Variants in RERE observed in about 807,000 individuals in gnomAD.
The protein encoded by RERE is arginine-glutamic acid dipeptide repeats protein.
RERE carries 40 observed loss-of-function variants against 146.1 expected under a neutral mutation model. That is an observed-to-expected ratio of 0.27 (90% CI 0.21 to 0.36). RERE has a LOEUF of 0.36. Ranked by LOEUF, RERE falls within the 10% of genes least tolerant of loss-of-function variation. The pLI, the probability that RERE is intolerant of heterozygous loss-of-function variation, is 1.00. For synonymous variants in RERE, 1,003 were observed against 866.0 expected, an observed-to-expected ratio of 1.16 and a Z score of -2.78; for missense variants, 1,933 against 2,138.7, an observed-to-expected ratio of 0.90 and a Z score of 1.90.
intron 1 of RERE, among the ~76,000 whole-genome samples, chr1:8,692,344 CT>C (rs55723477): frequency 1.6e-4 from 24 of 147,672 alleles, no homozygotes; most frequent in South Asian, 4.3e-4. Context: ...CTCCCATATA[CT>C]TTTTTTTTTT....
At chr1:8,766,615 G>C (rs894337691) in intron 1 of RERE, among the ~76,000 whole-genome samples, 86 of 151,660 alleles carry the variant, frequency 5.7e-4, no homozygotes, top group Non-Finnish European at 7.7e-4. Flanking sequence ...TAGCGTAATG[G>C]ATTAGGAAGA....
intron 6 of RERE, among the ~76,000 whole-genome samples, chr1:8,543,494 T>C (rs1028083368): frequency 6.6e-6 from 1 of 152,216 alleles, no homozygotes; most frequent in African/African-American, 2.4e-5. Context: ...TTATTATTGT[T>C]CGTTATTTCA....
intron 11 of RERE, among the ~76,000 whole-genome samples, chr1:8,458,368 A>C (rs965509921): frequency 6.6e-6 from 1 of 152,098 alleles, no homozygotes; most frequent in East Asian, 1.9e-4. Flanking sequence ...AGTATTTATT[A>C]ATCTTTCAAG....
chr1:8,409,729 C>T (rs2661868), intron 12 of RERE, among the ~76,000 whole-genome samples: 29,769 of 152,162 alleles, frequency 0.2, 3,410 homozygotes, highest in Middle Eastern at 0.4. Flanking sequence ...CACAGTTTAT[C>T]AAAACATGTA....
intron 3 of RERE, among the ~76,000 whole-genome samples, chr1:8,617,270 GA>G (rs1646863988): frequency 7.1e-6 from 1 of 140,030 alleles, no homozygotes; most frequent in Non-Finnish European, 1.5e-5. Flanking sequence ...CTTGAACCCA[GA>G]GGCGGAGGCT....
At position 8,465,952 on chromosome 1, in the gene RERE, G is replaced by A. The variant is rs751153216; in HGVS notation, c.1176C>T (p.Ile392=). Residue 392 remains isoleucine, a synonymous_variant, in exon 11 of 23, where the codon ATC becomes ATT. Coordinates refer to ENST00000400908, the MANE Select transcript of RERE (RefSeq NM_001042681.2). ...RLVKKPVPKL[I]EKCWTEDEVK... Reference sequence around the variant, plus strand: ...CTTCGTCCTCGGTCCAGCACTTCTCGATGAGCTTGGGCACAGGCTTCTTCA... The same window carrying A: ...CTTCGTCCTCGGTCCAGCACTTCTCAATGAGCTTGGGCACAGGCTTCTTCA... 1.2e-5 allele frequency: 20 copies of A among 1,614,002 alleles called. No individual in the cohort carries two copies. In the African/African-American group the frequency reaches 1.6e-4, roughly 13 times the overall value.
intron 7 of RERE, among the ~76,000 whole-genome samples, chr1:8,533,112 G>A (rs1645679064): frequency 6.6e-6 from 1 of 152,202 alleles, no homozygotes; most frequent in Non-Finnish European, 1.5e-5. Flanking sequence ...AAAGGGAGAA[G>A]GTATGCAGTT....
intron 1 of RERE, among the ~76,000 whole-genome samples, chr1:8,771,549 C>T (rs1334610972): frequency 6.8e-6 from 1 of 146,586 alleles, no homozygotes; most frequent in Non-Finnish European, 1.5e-5. Flanking sequence ...CTATTAGGAA[C>T]TTCTATTTGC....
intron 4 of RERE, among the ~76,000 whole-genome samples, chr1:8,583,365 G>A (rs184957954): frequency 1.3e-5 from 2 of 152,284 alleles, no homozygotes; most frequent in African/African-American, 4.8e-5. Flanking sequence ...AAGATCTCTG[G>A]ATATGAGCAT....
intron 12 of RERE, among the ~76,000 whole-genome samples, chr1:8,374,614 G>A (rs1464418227): frequency 6.6e-6 from 1 of 152,174 alleles, no homozygotes; most frequent in Non-Finnish European, 1.5e-5. Flanking sequence ...CAGACCAGGT[G>A]AGTCTTCCCA....
chr1:8,498,766 C>CACACACACAG (rs1056858982), intron 8 of RERE, among the ~76,000 whole-genome samples: 1 of 149,278 alleles, frequency 6.7e-6, no homozygotes, highest in African/African-American at 2.5e-5. Context: ...CACACACACA[C>CACACACACAG]ACATATGTAG....
intron 4 of RERE, among the ~76,000 whole-genome samples, chr1:8,611,434 G>A (rs111814219): frequency 6.6e-6 from 1 of 151,508 alleles, no homozygotes; most frequent in Non-Finnish European, 1.5e-5. Flanking sequence ...AACCCAAGAG[G>A]TGGAGGTTGC....
rs772811699 is a variant in RERE at position 8,708,474 on chromosome 1, T to G, written c.-144-52033A>C. 8.7e-4 allele frequency among the ~76,000 whole-genome samples: 133 copies of G among 152,154 alleles called. 1 individual carries two copies. Among genetic ancestry groups the G allele is most frequent in the African/African-American group, 1.2e-3 (51 of 41,488 alleles). ...CCCAAGTAGCTGGGGACTACAGGTG[T>G]GTGCCACCACACCCAGTTAATTTTC... On this transcript the variant is annotated intron_variant, in intron 1 of 22. Transcript: ENST00000400908.
chr1:8,678,363 G>C (rs1424431077), intron 1 of RERE, among the ~76,000 whole-genome samples: 1 of 151,716 alleles, frequency 6.6e-6, no homozygotes, highest in African/African-American at 2.4e-5. Flanking sequence ...TTAAATTATG[G>C]GGCCAGACAC....
At chr1:8,465,828 G>A (rs1464231633) in intron 11 of RERE, 97 bp downstream of exon 11, 12 of 1,012,606 alleles carry the variant, frequency 1.2e-5, no homozygotes, top group Non-Finnish European at 1.5e-5. Flanking sequence ...CTGCATGACT[G>A]AAGCTTCTGC....
At chr1:8,760,500 TGA>T (rs1640733851) in intron 1 of RERE, among the ~76,000 whole-genome samples, 1 of 152,098 alleles carries the variant, frequency 6.6e-6, no homozygotes, top group Admixed American at 6.5e-5. Flanking sequence ...GGTAGAGGTG[TGA>T]GAGACACAGT....
intron 7 of RERE, among the ~76,000 whole-genome samples, chr1:8,524,081 A>C (rs1455534753): frequency 6.6e-6 from 1 of 152,194 alleles, no homozygotes; most frequent in Non-Finnish European, 1.5e-5. Flanking sequence ...TACTTTTATT[A>C]AAAGAAGCAG....
In RERE at chr1:8,358,302, G is replaced by C. The variant is rs769053249; in HGVS notation, c.4233C>G (p.Ser1411Arg). The C allele has an allele frequency of 6.2e-7, 1 of 1,613,470 alleles. No individual in the cohort carries two copies. The highest frequency in any genetic ancestry group is 1.3e-5 in the African/African-American group (1 of 74,928). ...IHAERMASLTSDPLARLQMFN... is the reference protein window; with the variant it reads ...IHAERMASLTRDPLARLQMFN... ...ACATCTGCAGTCGGGCCAGGGGATCGCTGGTCAGCGATGCCATGCGCTCTG... is the reference window on the plus strand; with the variant it reads ...ACATCTGCAGTCGGGCCAGGGGATCCCTGGTCAGCGATGCCATGCGCTCTG... Residue 1411 changes from serine (S) to arginine (R), a missense_variant, in exon 20 of 23, where the codon AGC becomes AGG. Physicochemically the swap from Ser to Arg is moderately radical, Grantham distance 110. Coordinates refer to ENST00000400908, the MANE Select transcript of RERE (RefSeq NM_001042681.2).
chr1:8,647,575 ATTC>A (rs1376832154), intron 2 of RERE, among the ~76,000 whole-genome samples: 8 of 152,078 alleles, frequency 5.3e-5, no homozygotes, highest in Admixed American at 2.6e-4. Flanking sequence ...AATACCTAAA[ATTC>A]TTCTAAATAT....
Sources: allele counts gnomAD v4.1 joint callset (sites outside exome capture counted in the v4.1 genomes callset), GRCh38; gene constraint gnomAD v4.1.1; transcripts MANE v1.5; gene names NCBI Gene and HGNC (gene_info 2026-07-23, HGNC 2026-07-21).